The following GALNT17 variants were observed in gnomAD, a reference collection of about 807,000 sequenced individuals.
GALNT17 encodes polypeptide N-acetylgalactosaminyltransferase 17, also known as UDP-GalNAc:polypeptide N-acetylgalactosaminyltransferase-like 3.
GALNT17 carries 29 observed loss-of-function variants against 63.7 expected under a neutral mutation model. The observed-to-expected ratio is 0.46, with a 90% CI of 0.34 to 0.62. The LOEUF is 0.62. Among genes scored for constraint, GALNT17 ranks in the 20% least tolerant of loss-of-function variants. GALNT17 has a pLI of 0.01. For synonymous variants in GALNT17, 305 were observed against 318.3 expected (o/e 0.96, Z 0.45); for missense variants, 603 against 799.6 (o/e 0.75, Z 2.97).
chr7:71,412,707 C>T (rs1793452097), intron 3 of GALNT17, among the ~76,000 whole-genome samples: 1 of 152,150 alleles, frequency 6.6e-6, no homozygotes, highest in Admixed American at 6.5e-5. Context: ...CAGAGAAACT[C>T]ATCAACTTGT....
In GALNT17 at chr7:71,299,606, G is replaced by A. The variant is rs563824602; in HGVS notation, c.239-35944G>A. Among the ~76,000 whole-genome samples the A allele has an allele frequency of 9.2e-5, 14 of 152,042 alleles. No homozygotes were observed. The East Asian group carries it at 2.3e-3, about 25-fold the overall frequency. The stretch of plus-strand genomic sequence containing the variant: ...TCCTGAGAACACAGTCCTGGCCCTC[G>A]TGGGATGTATAGACATTGCCACTGT... On this transcript the variant is annotated intron_variant, in intron 1 of 10. Coordinates refer to ENST00000333538, the MANE Select transcript of GALNT17 (RefSeq NM_022479.3).
chr7:71,697,787 A>G (rs527756476), intron 9 of GALNT17, among the ~76,000 whole-genome samples: 15 of 152,188 alleles, frequency 9.9e-5, no homozygotes, highest in Non-Finnish European at 1.8e-4. Flanking sequence ...TAGATAAACT[A>G]TAACAAATAT....
At chr7:71,490,511 T>C (rs1419969063) in intron 5 of GALNT17, among the ~76,000 whole-genome samples, 3 of 151,774 alleles carry the variant, frequency 2.0e-5, no homozygotes, top group Non-Finnish European at 4.4e-5. Context: ...GAGGCCAGAC[T>C]AGTTGGTGTT....
intron 1 of GALNT17, among the ~76,000 whole-genome samples, chr7:71,301,114 C>CTTATCTCTACAAAAA (rs1791187340): frequency 1.3e-5 from 2 of 151,548 alleles, no homozygotes; most frequent in African/African-American, 4.9e-5. Context: ...ATAACAAGAC[C>CTTATCTCTACAAAAA]TTATCTCTAC....
intron 2 of GALNT17, among the ~76,000 whole-genome samples, chr7:71,361,100 T>C (rs1390732570): frequency 1.3e-5 from 2 of 152,178 alleles, no homozygotes; most frequent in African/African-American, 4.8e-5. Context: ...GGGCTCATTA[T>C]TATTATATGA....
intron 1 of GALNT17, among the ~76,000 whole-genome samples, chr7:71,212,811 A>G (rs1441034484): frequency 1.3e-5 from 2 of 151,828 alleles, no homozygotes; most frequent in African/African-American, 2.4e-5. Context: ...GTTTTGGCCA[A>G]TTTCTCCCAT....
At chr7:71,273,432 AT>A (rs952710514) in intron 1 of GALNT17, among the ~76,000 whole-genome samples, 1 of 152,192 alleles carries the variant, frequency 6.6e-6, no homozygotes. Context: ...TATCGGCTAG[AT>A]TATTTTCTCC....
chr7:71,436,777 A>AC (rs1786973300), intron 5 of GALNT17, among the ~76,000 whole-genome samples: 1 of 152,046 alleles, frequency 6.6e-6, no homozygotes, highest in Non-Finnish European at 1.5e-5. Context: ...CACTTTCGAG[A>AC]CCCCAAATGC....
intron 1 of GALNT17, among the ~76,000 whole-genome samples, chr7:71,150,199 G>A (rs58650352): frequency 0.018 from 2,671 of 152,240 alleles, 74 homozygotes; most frequent in African/African-American, 0.061. Context: ...TTCCTGGAAG[G>A]GAAAGAACAT....
At chr7:71,650,153 T>C (rs80059021) in intron 6 of GALNT17, among the ~76,000 whole-genome samples, 2,176 of 152,356 alleles carry the variant, frequency 0.014, 59 homozygotes, top group African/African-American at 0.05. Context: ...CCTTTTATTT[T>C]GCCTTTACCA....
intron 1 of GALNT17, among the ~76,000 whole-genome samples, chr7:71,176,225 G>T (rs1377894175): frequency 6.6e-6 from 1 of 152,066 alleles, no homozygotes; most frequent in African/African-American, 2.4e-5. Flanking sequence ...TGTAGCCTCT[G>T]AAGTCCCCAT....
chr7:71,683,558 T>G (rs1025445282), intron 9 of GALNT17, among the ~76,000 whole-genome samples: 1 of 152,180 alleles, frequency 6.6e-6, no homozygotes, highest in African/African-American at 2.4e-5. Flanking sequence ...GGAGGGTAAT[T>G]TCCTGTCTTG....
At chr7:71,293,060 G>C (rs139126740) in intron 1 of GALNT17, among the ~76,000 whole-genome samples, 1,630 of 152,242 alleles carry the variant, frequency 0.011, 12 homozygotes, top group South Asian at 0.044. Flanking sequence ...ATTCCATTGT[G>C]TATGTGTGTG....
intron 6 of GALNT17, among the ~76,000 whole-genome samples, chr7:71,618,801 G>A (rs922665766): frequency 3.9e-5 from 6 of 152,144 alleles, no homozygotes; most frequent in African/African-American, 1.4e-4. Flanking sequence ...CTTTGCAGAA[G>A]CTCTTTAGTT....
chr7:71,288,215 C>CAAAAAAAAA (rs59555320), intron 1 of GALNT17, among the ~76,000 whole-genome samples: 4 of 83,842 alleles, frequency 4.8e-5, no homozygotes, highest in African/African-American at 5.3e-5. Context: ...GACTCCATCT[C>CAAAAAAAAA]AAAAAAAAAA....
At chr7:71,288,643 G>A (rs1790921556) in intron 1 of GALNT17, among the ~76,000 whole-genome samples, 1 of 152,140 alleles carries the variant, frequency 6.6e-6, no homozygotes, top group African/African-American at 2.4e-5. Flanking sequence ...CCCAATGTCA[G>A]TGCAGTGACC....
intron 6 of GALNT17, among the ~76,000 whole-genome samples, chr7:71,663,454 C>T (rs1790937895): frequency 6.6e-6 from 1 of 152,218 alleles, no homozygotes; most frequent in South Asian, 2.1e-4. Flanking sequence ...TTTCCTGTCT[C>T]TATTCCCAGG....
chr7:71,559,482 T>C (rs1789217409), intron 5 of GALNT17, among the ~76,000 whole-genome samples: 1 of 152,288 alleles, frequency 6.6e-6, no homozygotes, highest in South Asian at 2.1e-4. Flanking sequence ...ATGCTTCCCC[T>C]TGGTCAGGTT....
At chr7:71,275,811 A>C (rs958602816) in intron 1 of GALNT17, among the ~76,000 whole-genome samples, 1 of 152,100 alleles carries the variant, frequency 6.6e-6, no homozygotes, top group African/African-American at 2.4e-5. Flanking sequence ...CTTACTGCCA[A>C]TGTTAGAAGC....
Sources: gnomAD v4.1 joint callset for allele counts (sites outside exome capture counted in the v4.1 genomes callset) on GRCh38, gnomAD v4.1.1 for gene constraint, MANE v1.5 for transcripts, NCBI Gene and HGNC (gene_info 2026-07-23, HGNC 2026-07-21) for gene names.